The following PICALM variants were observed in gnomAD, a reference collection of about 807,000 sequenced individuals.
The protein encoded by PICALM is phosphatidylinositol-binding clathrin assembly protein.
Under a neutral mutation model 80.5 loss-of-function variants are expected in PICALM, and 40 were observed. That is an observed-to-expected ratio of 0.50 (90% CI 0.39 to 0.65). The LOEUF (loss-of-function observed/expected upper bound fraction) is 0.65. PICALM is among the 30% of genes least tolerant of loss of function. The pLI, the probability that PICALM is intolerant of heterozygous loss-of-function variation, is 0.00. For missense variants in PICALM, 676 were observed against 778.9 expected (o/e 0.87, Z 1.57); for synonymous variants, 288 against 260.3 (o/e 1.11, Z -1.02).
intron 9 of PICALM, among the ~76,000 whole-genome samples, chr11:86,003,159 GA>G (rs1321304905): frequency 2.0e-5 from 3 of 152,152 alleles, no homozygotes. Context: ...GACATTTATT[GA>G]AGGTCAGAAA....
intron 1 of PICALM, among the ~76,000 whole-genome samples, chr11:86,035,511 C>T (rs186416700): frequency 6.6e-6 from 1 of 152,294 alleles, no homozygotes; most frequent in Admixed American, 6.5e-5. Context: ...CAACATACCA[C>T]AATCACTTAG....
intron 1 of PICALM, among the ~76,000 whole-genome samples, chr11:86,040,099 A>G (rs2137025393): frequency 6.6e-6 from 1 of 152,168 alleles, no homozygotes; most frequent in Admixed American, 6.5e-5. Context: ...AACGAAAGAA[A>G]CAAACTGTCT....
chr11:86,032,077 T>C (rs2095760849), intron 1 of PICALM, among the ~76,000 whole-genome samples: 2 of 152,114 alleles, frequency 1.3e-5, no homozygotes, highest in Admixed American at 1.3e-4. Context: ...TTTATGAACA[T>C]CCACCCTAGA....
At chr11:85,990,459 T>C in intron 12 of PICALM, 60 bp from the exon 13 acceptor site, 1 of 1,062,424 alleles carries the variant, frequency 9.4e-7, no homozygotes, top group Non-Finnish European at 1.3e-6. Flanking sequence ...ATTAGTATTG[T>C]AATTAGTCAA....
chr11:86,043,738 G>A (rs1356364872), intron 1 of PICALM, among the ~76,000 whole-genome samples: 9 of 152,128 alleles, frequency 5.9e-5, no homozygotes, highest in African/African-American at 1.4e-4. Flanking sequence ...GGGTAACAGC[G>A]AAAAAGCCTT....
At chr11:85,961,080 G>A (rs1445242024) in intron 19 of PICALM, among the ~76,000 whole-genome samples, 1 of 144,070 alleles carries the variant, frequency 6.9e-6, no homozygotes, top group African/African-American at 2.6e-5. Context: ...TTTAATGTGT[G>A]TATGGGGGGT....
At chr11:86,024,550 T>C (rs185488564) in intron 3 of PICALM, among the ~76,000 whole-genome samples, 1 of 151,812 alleles carries the variant, frequency 6.6e-6, no homozygotes, top group Non-Finnish European at 1.5e-5. Flanking sequence ...AAGATTTGGT[T>C]TACTCTGATC....
chr11:85,967,629 C>T lies in PICALM; in HGVS notation c.1944+7079G>A, dbSNP rs142721820. Among the ~76,000 whole-genome samples, 5 of 152,314 alleles carry T rather than the reference C, an allele frequency of 3.3e-5. No homozygotes were observed. The East Asian group carries it at 9.6e-4, about 29-fold the overall frequency. On this transcript the variant is annotated intron_variant, in intron 19 of 19. Coordinates refer to ENST00000393346, the MANE Select transcript of PICALM (RefSeq NM_007166.4). ...ACACATTGCTTACAAGGCAAAAAGC[C>T]TTCTTCACAGAAATCCAGCTGGAGA...
intron 1 of PICALM, among the ~76,000 whole-genome samples, chr11:86,037,005 G>T (rs1382578486): frequency 6.6e-6 from 1 of 151,714 alleles, no homozygotes; most frequent in Non-Finnish European, 1.5e-5. Context: ...GGAGTGCATG[G>T]CGTGATCTCG....
intron 10 of PICALM, 100 bp downstream of exon 10, chr11:86,000,935 G>A (rs546027569): frequency 4.7e-6 from 7 of 1,493,568 alleles, no homozygotes; most frequent in South Asian, 3.8e-5. Context: ...CAGCCCATTA[G>A]GTAGCTATAC....
chr11:85,981,435 G>C (rs1223353494), intron 16 of PICALM, among the ~76,000 whole-genome samples: 1 of 151,950 alleles, frequency 6.6e-6, no homozygotes, highest in African/African-American at 2.4e-5. Context: ...GCGAAACCCC[G>C]TCTCTACTAA....
chr11:85,958,947 A>T lies in PICALM; in HGVS notation c.*99T>A. Reference sequence around the variant, plus strand: ...GCATTCTAATGGAAGAAGAGAGTTTAAGAGATTTAAGAGACAGCAGTTTGG... The same window carrying T: ...GCATTCTAATGGAAGAAGAGAGTTTTAGAGATTTAAGAGACAGCAGTTTGG... On this transcript the variant is annotated 3_prime_UTR_variant, in exon 20 of 20. Coordinates refer to ENST00000393346, the MANE Select transcript of PICALM (RefSeq NM_007166.4). 1.2e-6 allele frequency: 1 copy of T among 806,002 alleles called. No homozygotes were observed. The highest frequency in any genetic ancestry group is 2.0e-6 in the Non-Finnish European group (1 of 489,642). 49.9% of individuals were successfully genotyped at this position (806,002 alleles called of 1,614,324 possible). A position where few individuals can be genotyped will look rare whatever the true frequency, so the allele number is the denominator to read the frequency against.
chr11:86,060,456 A>G (rs1448850141), intron 1 of PICALM, among the ~76,000 whole-genome samples: 1 of 152,212 alleles, frequency 6.6e-6, no homozygotes, highest in African/African-American at 2.4e-5. Flanking sequence ...ATTATCTGCT[A>G]CTACATTCAA....
upstream of PICALM, chr11:86,069,142 C>G: frequency 4.1e-6 from 1 of 244,222 alleles, no homozygotes; most frequent in Non-Finnish European, 8.1e-6. Context: ...GACTCGGACA[C>G]CGCCCCTCCT....
At position 86,068,611 on chromosome 11, in the gene PICALM, CGGGCGCCGGGGAGCGG is replaced by C. The variant is rs531447922; in HGVS notation, c.130+24_130+39del. Reference sequence around the variant, plus strand: ...GAGAGAAGGACGCGCGCGGGTCGCGCGGGCGCCGGGGAGCGGGGGCCGCGGTCGGCTTCACTCACAG... The same window carrying C: ...GAGAGAAGGACGCGCGCGGGTCGCGCGGGCCGCGGTCGGCTTCACTCACAG... On this transcript the variant is annotated intron_variant, in intron 1 of 19. Transcript: ENST00000393346. 9.1e-5 allele frequency: 144 copies of C among 1,583,364 alleles called. No homozygotes were observed. In the East Asian group the frequency reaches 3.1e-3, roughly 34 times the overall value.
At chr11:86,035,194 C>T (rs780665471) in intron 1 of PICALM, among the ~76,000 whole-genome samples, 10 of 151,456 alleles carry the variant, frequency 6.6e-5, no homozygotes, top group Admixed American at 3.9e-4. Flanking sequence ...ATTAATCTTA[C>T]AGTCATATTC....
chr11:85,992,017 G>A (rs147039599), intron 12 of PICALM, among the ~76,000 whole-genome samples: 1 of 151,946 alleles, frequency 6.6e-6, no homozygotes. Context: ...CACCATGCCT[G>A]GCTAATTTAA....
chr11:85,996,284 G>C (rs1385858921), intron 12 of PICALM, among the ~76,000 whole-genome samples: 2 of 151,726 alleles, frequency 1.3e-5, no homozygotes, highest in Non-Finnish European at 2.9e-5. Flanking sequence ...TGGTACAAGG[G>C]GAAAATTCTT....
chr11:85,988,880 G>A (rs913823604), intron 13 of PICALM, among the ~76,000 whole-genome samples: 1 of 152,190 alleles, frequency 6.6e-6, no homozygotes, highest in Non-Finnish European at 1.5e-5. Flanking sequence ...TATCTCATTA[G>A]AAAAGAAATA....
Sources: gnomAD v4.1 joint callset for allele counts (sites outside exome capture counted in the v4.1 genomes callset) on GRCh38, gnomAD v4.1.1 for gene constraint, MANE v1.5 for transcripts, NCBI Gene and HGNC (gene_info 2026-07-23, HGNC 2026-07-21) for gene names.